The following CNBD1 variants were observed in gnomAD, a reference collection of about 807,000 sequenced individuals.
CNBD1 encodes cyclic nucleotide-binding domain-containing protein 1.
Under a neutral mutation model 54.4 loss-of-function variants are expected in CNBD1, and 71 were observed. The ratio of observed to expected loss-of-function variants is 1.30; its 90% CI spans 1.08 to 1.59. The LOEUF is 1.59. Ranked by LOEUF, CNBD1 falls within the 40% of genes most tolerant of loss-of-function variation. CNBD1 has a pLI of 0.00. For missense variants in CNBD1, 659 were observed against 518.0 expected (o/e 1.27, Z -2.64); for synonymous variants, 182 against 170.7 (o/e 1.07, Z -0.51).
In CNBD1 at chr8:87,369,008, C is replaced by T. The variant is rs570872776; in HGVS notation, c.1304-13612C>T. Among the ~76,000 whole-genome samples, 60 of 152,070 alleles carry T rather than the reference C, an allele frequency of 3.9e-4. 1 individual carries two copies. In the South Asian group the frequency reaches 5.6e-3, roughly 14 times the overall value. Reference sequence around the variant, plus strand: ...CAGGAATCAAACCCTAACACTCTGCCTCCAGGATCCATATTACAACAACTA... The same window carrying T: ...CAGGAATCAAACCCTAACACTCTGCTTCCAGGATCCATATTACAACAACTA... On this transcript the variant is annotated intron_variant, in intron 10 of 10. Transcript: ENST00000518476.
chr8:87,408,186 G>A (rs908592563), intron 2 of CNBD1, among the ~76,000 whole-genome samples: 1 of 151,808 alleles, frequency 6.6e-6, no homozygotes, highest in Admixed American at 6.6e-5. Context: ...CTCAAACATT[G>A]CTTCTGCTTA....
intron 8 of CNBD1, among the ~76,000 whole-genome samples, chr8:87,330,872 A>C (rs1808721676): frequency 6.6e-6 from 1 of 152,304 alleles, no homozygotes; most frequent in Admixed American, 6.5e-5. Flanking sequence ...AAATGTACAT[A>C]ATAGATTAAT....
intron 2 of CNBD1, among the ~76,000 whole-genome samples, chr8:87,398,599 T>G (rs1243246600): frequency 6.6e-6 from 1 of 152,030 alleles, no homozygotes; most frequent in Non-Finnish European, 1.5e-5. Context: ...TTGCTTTACA[T>G]AATCCTTCTT....
intron 2 of CNBD1, among the ~76,000 whole-genome samples, chr8:87,425,391 C>T (rs566702648): frequency 3.3e-5 from 5 of 152,274 alleles, no homozygotes; most frequent in South Asian, 4.1e-4. Flanking sequence ...GGAGGAGAGG[C>T]GCTCTGATTT....
In CNBD1 at chr8:86,909,104, A is replaced by G. The variant is rs76986586; in HGVS notation, c.272+3910A>G. Among the ~76,000 whole-genome samples, 692 of 152,222 alleles carry G rather than the reference A, an allele frequency of 4.5e-3. 3 individuals are homozygous for G. The highest frequency in any genetic ancestry group is 0.016 in the African/African-American group (663 of 41,546). ...TACAATAATTGACTTACCTGTTCCCAATAAACATAATGGTCATTTTTTTTA... is the reference window on the plus strand; with the variant it reads ...TACAATAATTGACTTACCTGTTCCCGATAAACATAATGGTCATTTTTTTTA... On this transcript the variant is annotated intron_variant, in intron 3 of 10. Transcript: ENST00000518476.
At chr8:87,216,814 T>C (rs1196021185) in intron 5 of CNBD1, among the ~76,000 whole-genome samples, 1 of 152,198 alleles carries the variant, frequency 6.6e-6, no homozygotes, top group East Asian at 1.9e-4. Flanking sequence ...GGAAACTTGT[T>C]TGTTAACATG....
intron 4 of CNBD1, among the ~76,000 whole-genome samples, chr8:87,006,765 C>T (rs1809106558): frequency 6.6e-6 from 1 of 152,196 alleles, no homozygotes. Context: ...GATGACAACT[C>T]CTCCTCTTTA....
chr8:86,874,986 T>A (rs912854777), intron 1 of CNBD1, among the ~76,000 whole-genome samples: 2 of 120,120 alleles, frequency 1.7e-5, no homozygotes, highest in Admixed American at 8.3e-5. Flanking sequence ...GTAAATCAAT[T>A]TATATATATA....
At chr8:87,333,462 A>T (rs145529366) in intron 8 of CNBD1, among the ~76,000 whole-genome samples, 1 of 152,298 alleles carries the variant, frequency 6.6e-6, no homozygotes. Flanking sequence ...CAGCTTTCAA[A>T]GGGAATACTA....
intron 8 of CNBD1, among the ~76,000 whole-genome samples, chr8:87,326,290 G>T (rs1205095206): frequency 8.1e-6 from 1 of 122,814 alleles, no homozygotes; most frequent in African/African-American, 3.0e-5. Context: ...TCTTGGAGTT[G>T]CACTTCTCGA....
At chr8:87,333,113 T>C (rs1364985894) in intron 8 of CNBD1, among the ~76,000 whole-genome samples, 1 of 152,160 alleles carries the variant, frequency 6.6e-6, no homozygotes. Context: ...TATCTCTAGG[T>C]ATTTTATTCT....
intron 8 of CNBD1, 35 bp from the exon 9 acceptor site, chr8:87,351,650 G>T: frequency 7.0e-7 from 1 of 1,438,702 alleles, no homozygotes; most frequent in Non-Finnish European, 9.1e-7. Flanking sequence ...TTAAAGACAA[G>T]AATGTGTGAA....
Position 87,304,782 on chromosome 8 carries a change from A to G in CNBD1, c.1042+18111A>G, listed in dbSNP as rs566128069. 9.5e-4 allele frequency among the ~76,000 whole-genome samples: 144 copies of G among 152,294 alleles called. 1 individual carries two copies. The highest frequency in any genetic ancestry group is 2.6e-3 in the African/African-American group (109 of 41,568). On this transcript the variant is annotated intron_variant, in intron 8 of 10. Transcript: ENST00000518476. ...TATCTTAATGTAATAAAAGCCATGT[A>G]TGACAAACCCACAGCCAACACAATA...
intron 4 of CNBD1, among the ~76,000 whole-genome samples, chr8:87,071,370 C>A (rs531272795): frequency 1.2e-4 from 19 of 152,142 alleles, no homozygotes; most frequent in Admixed American, 5.9e-4. Flanking sequence ...TTCTGAGAAT[C>A]CTTAACAAAA....
chr8:87,298,647 G>A (rs893790672), intron 8 of CNBD1, among the ~76,000 whole-genome samples: 1 of 151,836 alleles, frequency 6.6e-6, no homozygotes, highest in African/African-American at 2.4e-5. Flanking sequence ...ATGAAGCCTG[G>A]CTAATTTTTT....
In CNBD1 at chr8:87,422,678, C is replaced by T. The variant is rs560711857; in HGVS notation, c.214-5868C>T. Among the ~76,000 whole-genome samples, 652 of 152,150 alleles carry T rather than the reference C, an allele frequency of 4.3e-3. 8 individuals are homozygous for T. The highest frequency in any genetic ancestry group is 0.015 in the African/African-American group (623 of 41,478). On this transcript the variant is annotated intron_variant, in intron 2 of 7. Coordinates refer to the CNBD1 transcript ENST00000521593. ...ACCATGCTGTTTTGGTTACTGTAGC[C>T]TTGTAGTATAGTTTGAAGTCAGGTA...
chr8:87,219,332 A>G (rs1364043869), intron 5 of CNBD1, among the ~76,000 whole-genome samples: 2 of 152,092 alleles, frequency 1.3e-5, no homozygotes, highest in Admixed American at 6.5e-5. Flanking sequence ...AATGTGGGAC[A>G]TAAATGAAAA....
At chr8:87,018,382 A>G (rs1263186448) in intron 4 of CNBD1, among the ~76,000 whole-genome samples, 1 of 152,224 alleles carries the variant, frequency 6.6e-6, no homozygotes, top group African/African-American at 2.4e-5. Flanking sequence ...ATTCTCTTTA[A>G]TAAAAAAGGT....
chr8:87,344,142 G>T (rs904622358), intron 8 of CNBD1, among the ~76,000 whole-genome samples: 2 of 151,930 alleles, frequency 1.3e-5, no homozygotes, highest in South Asian at 4.1e-4. Flanking sequence ...GTACAAACAG[G>T]AAAAATAATC....
Sources: allele counts gnomAD v4.1 joint callset (sites outside exome capture counted in the v4.1 genomes callset), GRCh38; gene constraint gnomAD v4.1.1; transcripts MANE v1.5; gene names NCBI Gene and HGNC (gene_info 2026-07-23, HGNC 2026-07-21).